Variants in HCN1 observed in about 807,000 individuals in gnomAD.
The protein encoded by HCN1 is potassium/sodium hyperpolarization-activated cyclic nucleotide-gated channel 1.
A neutral mutation model predicts 78.9 loss-of-function variants in HCN1; 13 were observed. That is an observed-to-expected ratio of 0.16 (90% CI 0.11 to 0.26). The LOEUF (loss-of-function observed/expected upper bound fraction) is 0.26. Among genes scored for constraint, HCN1 ranks in the 10% least tolerant of loss-of-function variants. The pLI is 1.00. For missense variants in HCN1, 810 were observed against 1,154.3 expected, an observed-to-expected ratio of 0.70 and a Z score of 4.32; for synonymous variants, 552 against 455.5, an observed-to-expected ratio of 1.21 and a Z score of -2.70.
At chr5:45,305,436 C>A (rs1745709089) in intron 5 of HCN1, among the ~76,000 whole-genome samples, 2 of 152,010 alleles carry the variant, frequency 1.3e-5, no homozygotes, top group African/African-American at 4.8e-5. Flanking sequence ...AAATAAGCAA[C>A]AATAATCAGA....
intron 5 of HCN1, among the ~76,000 whole-genome samples, chr5:45,346,928 T>A (rs1311071656): frequency 6.6e-6 from 1 of 152,218 alleles, no homozygotes; most frequent in Admixed American, 6.5e-5. Flanking sequence ...GCTCCACCTC[T>A]GGGGGCAGGG....
intron 2 of HCN1, among the ~76,000 whole-genome samples, chr5:45,562,283 T>G (rs1418479523): frequency 6.6e-6 from 1 of 152,150 alleles, no homozygotes; most frequent in African/African-American, 2.4e-5. Flanking sequence ...CTTCCCAATT[T>G]ACCAAAGTGT....
chr5:45,661,167 A>G (rs1389314677), intron 1 of HCN1, among the ~76,000 whole-genome samples: 3 of 144,882 alleles, frequency 2.1e-5, no homozygotes, highest in African/African-American at 7.8e-5. Context: ...AAGCCGCTCA[A>G]CTACATGGAA....
chr5:45,459,684 A>G (rs897833272), intron 3 of HCN1, among the ~76,000 whole-genome samples: 5 of 152,154 alleles, frequency 3.3e-5, no homozygotes, highest in African/African-American at 1.2e-4. Flanking sequence ...ATCCCAAAAT[A>G]GTTATTTTAC....
At chr5:45,277,990 C>G (rs1745098225) in intron 6 of HCN1, among the ~76,000 whole-genome samples, 1 of 152,148 alleles carries the variant, frequency 6.6e-6, no homozygotes, top group African/African-American at 2.4e-5. Flanking sequence ...AAGTCTGCCT[C>G]TAATACTCCT....
rs143862959 is a variant in HCN1, at chr5:45,349,734, T to C, written c.1377+3366A>G. 2.8e-3 allele frequency among the ~76,000 whole-genome samples: 424 copies of C among 152,166 alleles called. 2 individuals carry two copies. The highest frequency in any genetic ancestry group is 9.7e-3 in the African/African-American group (403 of 41,524). On this transcript the variant is annotated intron_variant, in intron 5 of 7. Coordinates refer to ENST00000303230, the MANE Select transcript of HCN1 (RefSeq NM_021072.4). The stretch of plus-strand genomic sequence containing the variant: ...AGAAATACAAACTGCCCACAGAGAA[T>C]ACTACAAACACCTCTACGCAAACTG...
intron 3 of HCN1, among the ~76,000 whole-genome samples, chr5:45,439,996 ATAT>A (rs1466887158): frequency 1.3e-5 from 2 of 148,322 alleles, no homozygotes; most frequent in Non-Finnish European, 3.0e-5. Flanking sequence ...TATAATGATA[ATAT>A]TATATAATGT....
intron 2 of HCN1, among the ~76,000 whole-genome samples, chr5:45,590,576 AC>A (rs926701218): frequency 1.3e-5 from 2 of 152,118 alleles, no homozygotes; most frequent in Admixed American, 1.3e-4. Flanking sequence ...GTGTATAATG[AC>A]CCCTTTAGTA....
chr5:45,481,811 G>A (rs1741658393), intron 2 of HCN1, among the ~76,000 whole-genome samples: 1 of 152,048 alleles, frequency 6.6e-6, no homozygotes, highest in Non-Finnish European at 1.5e-5. Context: ...TAGCTTTGAA[G>A]TCAGATCCAG....
At chr5:45,572,739 T>G (rs1204745849) in intron 2 of HCN1, among the ~76,000 whole-genome samples, 1 of 152,192 alleles carries the variant, frequency 6.6e-6, no homozygotes, top group Non-Finnish European at 1.5e-5. Flanking sequence ...TTAACAAAAT[T>G]GTGAGCACGT....
chr5:45,522,911 G>C (rs1421306608), intron 2 of HCN1, among the ~76,000 whole-genome samples: 1 of 151,756 alleles, frequency 6.6e-6, no homozygotes, highest in African/African-American at 2.4e-5. Flanking sequence ...ACAATGTGCA[G>C]GTTAGTTACA....
At chr5:45,541,328 A>T (rs1034470325) in intron 2 of HCN1, among the ~76,000 whole-genome samples, 1 of 152,154 alleles carries the variant, frequency 6.6e-6, no homozygotes, top group Non-Finnish European at 1.5e-5. Flanking sequence ...TTCTCTAGTT[A>T]TCCTGAACAT....
chr5:45,610,375 C>A (rs1398126874), intron 2 of HCN1, among the ~76,000 whole-genome samples: 2 of 151,292 alleles, frequency 1.3e-5, no homozygotes, highest in African/African-American at 4.8e-5. Flanking sequence ...AGTCTAAAAT[C>A]GAAAAATAAA....
At chr5:45,266,138 T>G (rs1392123571) in intron 7 of HCN1, among the ~76,000 whole-genome samples, 1 of 152,212 alleles carries the variant, frequency 6.6e-6, no homozygotes, top group Non-Finnish European at 1.5e-5. Flanking sequence ...CAATCCAAGC[T>G]AACTTTACTA....
At chr5:45,372,232 A>C (rs1331398085) in intron 4 of HCN1, among the ~76,000 whole-genome samples, 1 of 75,048 alleles carries the variant, frequency 1.3e-5, no homozygotes, top group Non-Finnish European at 2.2e-5. Context: ...TATATAATAT[A>C]TATTATATTT....
At chr5:45,389,218 G>A (rs1402802937) in intron 4 of HCN1, among the ~76,000 whole-genome samples, 1 of 152,052 alleles carries the variant, frequency 6.6e-6, no homozygotes, top group Non-Finnish European at 1.5e-5. Context: ...GTCTGTTCAT[G>A]AACTGTGGTA....
At position 45,257,783 on chromosome 5, in the gene HCN1, A is replaced by G. The variant is rs1029196175; in HGVS notation, c.*4138T>C. 3 of 152,194 alleles carry G rather than the reference A, an allele frequency of 2.0e-5. No individual in the cohort carries two copies. Among genetic ancestry groups the G allele is most frequent in the Non-Finnish European group, 4.4e-5 (3 of 68,038 alleles). The allele number at this position is 152,194 out of a possible 1,614,324, so 9.4% of individuals were successfully genotyped here. On this transcript the variant is annotated 3_prime_UTR_variant, in exon 8 of 8. Coordinates refer to ENST00000303230, the MANE Select transcript of HCN1 (RefSeq NM_021072.4). ...ATTTCTATCCTATTTTTCCTTGAAA[A>G]TAACCATATTGAATACAGTTATAGA...
chr5:45,374,049 T>TCTATTAC (rs1747519141), intron 4 of HCN1, among the ~76,000 whole-genome samples: 2 of 107,822 alleles, frequency 1.9e-5, no homozygotes, highest in Non-Finnish European at 3.5e-5. Context: ...ATATATATTA[T>TCTATTAC]ATATATTATA....
At position 45,645,628 on chromosome 5, in the gene HCN1, C is replaced by G. The variant is rs2112032435; in HGVS notation, c.426-20G>C. The G allele has an allele frequency of 6.5e-7, 1 of 1,549,614 alleles. No homozygotes were observed. The highest frequency in any genetic ancestry group is 1.1e-5 in the South Asian group (1 of 88,994). ...TAAAACCTACAACAAATAAAAAAAT[C>G]AGATTTTAAGATATAGAAAATAACC... On this transcript the variant is annotated intron_variant, in intron 1 of 7. Coordinates refer to ENST00000303230, the MANE Select transcript of HCN1 (RefSeq NM_021072.4).
Sources: allele counts gnomAD v4.1 joint callset (sites outside exome capture counted in the v4.1 genomes callset), GRCh38; gene constraint gnomAD v4.1.1; transcripts MANE v1.5; gene names NCBI Gene and HGNC (gene_info 2026-07-23, HGNC 2026-07-21).